The following GUCY1A1 variants were observed in gnomAD, a reference collection of about 807,000 sequenced individuals.
GUCY1A1 encodes guanylate cyclase soluble subunit alpha-1.
In GUCY1A1, 48 loss-of-function variants were observed where a neutral mutation model predicts 64.5. The ratio of observed to expected loss-of-function variants is 0.74; its 90% CI spans 0.59 to 0.95. GUCY1A1 has a LOEUF of 0.95. Among genes scored for constraint, GUCY1A1 ranks in the 40% least tolerant of loss-of-function variants. The pLI, the probability that GUCY1A1 is intolerant of heterozygous loss-of-function variation, is 0.00. For missense variants in GUCY1A1, 804 were observed against 825.3 expected, an observed-to-expected ratio of 0.97 and a Z score of 0.32; for synonymous variants, 308 against 303.4, an observed-to-expected ratio of 1.02 and a Z score of -0.16.
At position 155,720,337 on chromosome 4, in the gene GUCY1A1, TTCTATCTATCTATCTA is replaced by T. The variant is rs59667368; in HGVS notation, c.1717-1674_1717-1659del. Among the ~76,000 whole-genome samples the T allele has an allele frequency of 1.9e-3, 287 of 149,898 alleles. No homozygotes were observed. The Middle Eastern group carries it at 0.021, about 11-fold the overall frequency. On this transcript the variant is annotated intron_variant, in intron 8 of 9. Transcript: ENST00000506455. ...GATATTTATGAGCAGAAGAGCTTTA[TTCTATCTATCTATCTA>T]TCTATCTATCTATCTATCTATCTAT...
At chr4:155,679,395 C>A (rs1275526602) in intron 2 of GUCY1A1, among the ~76,000 whole-genome samples, 2 of 152,176 alleles carry the variant, frequency 1.3e-5, no homozygotes, top group Non-Finnish European at 2.9e-5. Context: ...GCAGGCTGTG[C>A]AGGAAGCATG....
intron 2 of GUCY1A1, among the ~76,000 whole-genome samples, chr4:155,686,895 T>C (rs1413934294): frequency 6.6e-6 from 1 of 152,196 alleles, no homozygotes; most frequent in African/African-American, 2.4e-5. Flanking sequence ...AGAATCTTTC[T>C]GCTCTAAGCT....
chr4:155,703,902 ATGTTTAAAAC>A lies in GUCY1A1; in HGVS notation c.256-29_256-20del, dbSNP rs758433805. On this transcript the variant is annotated intron_variant, in intron 3 of 9. Transcript: ENST00000506455. ...TCCAAACAAATTATTATATAAGGGA[ATGTTTAAAAC>A]ATTTCTTTTGAACTTTCAGTTTGAA... The A allele has an allele frequency of 3.6e-6, 5 of 1,383,036 alleles. No homozygotes were observed. The Admixed American group carries it at 7.5e-5, about 21-fold the overall frequency. 85.7% of individuals were successfully genotyped at this position (1,383,036 alleles called of 1,614,324 possible).
intron 8 of GUCY1A1, among the ~76,000 whole-genome samples, chr4:155,718,548 G>A (rs755822331): frequency 6.6e-6 from 1 of 152,134 alleles, no homozygotes; most frequent in African/African-American, 2.4e-5. Context: ...AAATGGGTGA[G>A]GGTGCCTGGA....
intron 7 of GUCY1A1, among the ~76,000 whole-genome samples, chr4:155,714,573 G>A (rs777674476): frequency 3.3e-5 from 5 of 152,164 alleles, no homozygotes; most frequent in Non-Finnish European, 7.4e-5. Context: ...AGAATAAAGC[G>A]TATTTCTCAT....
chr4:155,680,951 A>ACATG (rs1735664714), intron 2 of GUCY1A1, among the ~76,000 whole-genome samples: 9 of 149,426 alleles, frequency 6.0e-5, no homozygotes, highest in Admixed American at 2.7e-4. Context: ...ACACACATGC[A>ACATG]CACACACACA....
At chr4:155,723,524 A>G (rs1734244341) in intron 9 of GUCY1A1, among the ~76,000 whole-genome samples, 1 of 152,158 alleles carries the variant, frequency 6.6e-6, no homozygotes, top group Non-Finnish European at 1.5e-5. Flanking sequence ...TAAGTAACAA[A>G]AGAGTTTTTC....
Position 155,722,034 on chromosome 4 carries a change from TCAGA to T in GUCY1A1, c.1717-3_1717del. ...GGGAACATCATGTTATTTTTTGCTT[TCAGA>T]TGCGAATTGGACTGCACTCTGGATC... On this transcript the variant is annotated splice_acceptor_variant and splice_polypyrimidine_tract_variant and coding_sequence_variant and intron_variant, in exon 9 of 10. Transcript: ENST00000506455. LOFTEE classifies it high-confidence loss of function. 6.2e-7 allele frequency: 1 copy of T among 1,604,898 alleles called. No homozygotes were observed. The highest frequency in any genetic ancestry group is 1.1e-5 in the South Asian group (1 of 90,476).
rs530927165 is a variant in GUCY1A1 at position 155,715,855 on chromosome 4, CAAAT to C, written c.1573-1303_1573-1300del. ...GATTAGGGGAAACAAAGACAATAAA[CAAAT>C]GAGTAAATTTATAGTATTTAAGTCA... is the stretch of plus-strand genomic sequence containing the variant. On this transcript the variant is annotated intron_variant, in intron 7 of 9. Transcript: ENST00000506455. Among the ~76,000 whole-genome samples, 99 of 152,070 alleles carry C rather than the reference CAAAT, an allele frequency of 6.5e-4. 1 individual carries two copies. The South Asian group carries it at 0.017, about 27-fold the overall frequency.
intron 8 of GUCY1A1, among the ~76,000 whole-genome samples, chr4:155,721,122 G>A (rs1733906525): frequency 6.6e-6 from 1 of 152,100 alleles, no homozygotes; most frequent in Admixed American, 6.6e-5. Context: ...AACTTATCCA[G>A]GTGTGATGGT....
intron 9 of GUCY1A1, among the ~76,000 whole-genome samples, chr4:155,722,848 T>C (rs1388756109): frequency 2.0e-5 from 3 of 152,114 alleles, no homozygotes; most frequent in Admixed American, 6.6e-5. Flanking sequence ...TCAGAACTTA[T>C]CTCCCTCCAG....
At chr4:155,671,221 C>T (rs1734105100) in intron 2 of GUCY1A1, among the ~76,000 whole-genome samples, 1 of 152,096 alleles carries the variant, frequency 6.6e-6, no homozygotes, top group Admixed American at 6.6e-5. Context: ...TAGTTTGTGG[C>T]CTCTTCAGAA....
At chr4:155,670,460 A>G (rs1578985220) in intron 2 of GUCY1A1, among the ~76,000 whole-genome samples, 1 of 152,258 alleles carries the variant, frequency 6.6e-6, no homozygotes, top group East Asian at 1.9e-4. Context: ...ATTTTCTTTC[A>G]GAACATTTTG....
rs1488432752 is a variant in GUCY1A1, at chr4:155,731,704, G to A, written c.*1473G>A. 4 of 151,814 alleles carry A rather than the reference G, an allele frequency of 2.6e-5. No homozygotes were observed. The highest frequency in any genetic ancestry group is 5.9e-5 in the Non-Finnish European group (4 of 67,836). The allele number at this position is 151,814 out of a possible 1,614,324, so 9.4% of individuals were successfully genotyped here. On this transcript the variant is annotated 3_prime_UTR_variant, in exon 10 of 10. Transcript: ENST00000506455. ...TAAAATCAATATTAGCAGAGCCATAGATAGGCTGAGCTCTTATTTGGGGTT... is the reference window on the plus strand; with the variant it reads ...TAAAATCAATATTAGCAGAGCCATAAATAGGCTGAGCTCTTATTTGGGGTT...
intron 2 of GUCY1A1, among the ~76,000 whole-genome samples, chr4:155,689,349 G>T (rs968867795): frequency 6.6e-6 from 1 of 152,028 alleles, no homozygotes; most frequent in African/African-American, 2.4e-5. Flanking sequence ...ATATATTTTA[G>T]GGAAAATTGG....
At chr4:155,680,074 A>G (rs949450604) in intron 2 of GUCY1A1, among the ~76,000 whole-genome samples, 3 of 152,120 alleles carry the variant, frequency 2.0e-5, no homozygotes, top group Non-Finnish European at 4.4e-5. Flanking sequence ...CATTTTGTCA[A>G]TTTTTACTAA....
At position 155,717,228 on chromosome 4, in the gene GUCY1A1, C is replaced by A. The variant is rs752880247; in HGVS notation, c.1642C>A (p.Gln548Lys). 1.3e-6 allele frequency: 2 copies of A among 1,597,142 alleles called. No individual in the cohort carries two copies. The highest frequency in any genetic ancestry group is 2.3e-5 in the South Asian group (2 of 88,318). ...LHKESDTHAV[Q>K]IALMALKMME... ...CAAAGAGAGTGATACTCATGCTGTT[C>A]AGATAGCGCTGATGGCCCTGAAGAT... The change falls in exon 8 of 10, where the codon CAG becomes AAG. Residue 548 changes from glutamine to lysine, a missense_variant. Coordinates refer to ENST00000506455, the MANE Select transcript of GUCY1A1 (RefSeq NM_001130682.3).
At position 155,735,874 on chromosome 4, in the gene GUCY1A1, G is replaced by A. The variant is rs1036941996; in HGVS notation, c.*5643G>A. On this transcript the variant is annotated 3_prime_UTR_variant, in exon 10 of 10. Transcript: ENST00000506455. Reference sequence around the variant, plus strand: ...GGCAACAGTGGTCTGGGAATTCTGGGCCTTTAGAAATAATCATTCCCAGTG... The same window carrying A: ...GGCAACAGTGGTCTGGGAATTCTGGACCTTTAGAAATAATCATTCCCAGTG... The A allele has an allele frequency of 1.4e-4, 22 of 151,958 alleles. No homozygotes were observed. Among genetic ancestry groups the A allele is most frequent in the Admixed American group, 7.9e-4 (12 of 15,214 alleles). The allele number at this position is 151,958 out of a possible 1,614,324, so 9.4% of individuals were successfully genotyped here.
rs771148071 is a variant in GUCY1A1 at position 155,713,095 on chromosome 4, T to C, written c.1087-3T>C. 12 of 1,598,580 alleles carry C rather than the reference T, an allele frequency of 7.5e-6. No homozygotes were observed. In the South Asian group the frequency reaches 1.0e-4, roughly 13 times the overall value. ...CCACAATTGGTTATCCTTTCCTTCA[T>C]AGGTTATGGACCTCAAAGGCCAAAT... is the stretch of plus-strand genomic sequence containing the variant. On this transcript the variant is annotated splice_polypyrimidine_tract_variant and splice_region_variant and intron_variant, in intron 6 of 9. Coordinates refer to ENST00000506455, the MANE Select transcript of GUCY1A1 (RefSeq NM_001130682.3).
Sources: allele counts gnomAD v4.1 joint callset (sites outside exome capture counted in the v4.1 genomes callset), GRCh38; gene constraint gnomAD v4.1.1; transcripts MANE v1.5; gene names NCBI Gene and HGNC (gene_info 2026-07-23, HGNC 2026-07-21).